The following ZPBP variants were observed in gnomAD, a reference collection of about 807,000 sequenced individuals.
The protein encoded by ZPBP is zona pellucida binding protein, also known as zona pellucida-binding protein 1.
ZPBP carries 26 observed loss-of-function variants against 44.8 expected under a neutral mutation model. The observed-to-expected ratio is 0.58, with a 90% CI of 0.43 to 0.81. The LOEUF is 0.81. Among genes scored for constraint, ZPBP ranks in the 30% least tolerant of loss-of-function variants. The probability of loss-of-function intolerance (pLI) is 0.00; values close to 1 mark genes in which losing one functional copy is unlikely to be tolerated. For synonymous variants in ZPBP, 174 were observed against 153.2 expected (o/e 1.14, Z -1.00); for missense variants, 409 against 434.0 (o/e 0.94, Z 0.51).
chr7:49,873,873 C>A, intron 2 of ZPBP, among the ~76,000 whole-genome samples: 1 of 146,952 alleles, frequency 6.8e-6, no homozygotes, highest in Non-Finnish European at 1.5e-5. Context: ...ATATTTATGC[C>A]AACATGGAGA....
At chr7:50,089,229 A>G (rs745602674) in intron 2 of ZPBP, among the ~76,000 whole-genome samples, 34 of 152,096 alleles carry the variant, frequency 2.2e-4, no homozygotes, top group Non-Finnish European at 4.1e-4. Context: ...TGGCATGTGA[A>G]TTTGCCACAA....
chr7:49,843,599 A>G, the ZPBP span, among the ~76,000 whole-genome samples: 2 of 152,358 alleles, frequency 1.3e-5, no homozygotes. Flanking sequence ...TTGTATGTAC[A>G]GAAAGGTTTC....
intron 1 of ZPBP, among the ~76,000 whole-genome samples, chr7:49,904,613 T>C (rs1792979030): frequency 6.6e-6 from 1 of 152,218 alleles, no homozygotes; most frequent in Non-Finnish European, 1.5e-5. Context: ...TTAGTTAAAT[T>C]TTTATAACTT....
intron 6 of ZPBP, among the ~76,000 whole-genome samples, chr7:50,014,825 T>C (rs1292024825): frequency 1.3e-5 from 2 of 152,076 alleles, no homozygotes; most frequent in African/African-American, 4.8e-5. Flanking sequence ...GGGACAAGTA[T>C]GCCAAAGTAA....
chr7:49,886,885 C>T (rs563525417), intron 2 of ZPBP, among the ~76,000 whole-genome samples: 2 of 152,204 alleles, frequency 1.3e-5, no homozygotes, highest in South Asian at 4.1e-4. Flanking sequence ...TGTTGGACCT[C>T]GTAAGACTTC....
intron 6 of ZPBP, among the ~76,000 whole-genome samples, chr7:50,001,755 G>A (rs767938058): frequency 4.6e-5 from 7 of 152,108 alleles, no homozygotes; most frequent in African/African-American, 7.2e-5. Context: ...TGGGAAACCC[G>A]GGAGGACCCC....
intron 7 of ZPBP, among the ~76,000 whole-genome samples, chr7:49,975,508 A>G (rs1796473611): frequency 6.6e-6 from 1 of 152,166 alleles, no homozygotes; most frequent in African/African-American, 2.4e-5. Flanking sequence ...GGGCTTTCAC[A>G]CAATTTTCCA....
At chr7:49,957,511 T>G (rs1391067284) in intron 7 of ZPBP, among the ~76,000 whole-genome samples, 1 of 152,144 alleles carries the variant, frequency 6.6e-6, no homozygotes, top group Non-Finnish European at 1.5e-5. Context: ...ACCCAGGTGT[T>G]GCTGAAGGAG....
chr7:49,847,146 G>A (rs1490979751), downstream of ZPBP, among the ~76,000 whole-genome samples: 1 of 151,578 alleles, frequency 6.6e-6, no homozygotes, highest in African/African-American at 2.4e-5. Context: ...TTTTAAAAGG[G>A]TCACTGCCAG....
intron 1 of ZPBP, among the ~76,000 whole-genome samples, chr7:49,909,357 GC>G (rs1793280790): frequency 1.6e-5 from 1 of 61,484 alleles, no homozygotes. Context: ...GACAGCTCGA[GC>G]CAAAATATGA....
intron 4 of ZPBP, among the ~76,000 whole-genome samples, chr7:50,050,446 C>T (rs192191892): frequency 6.6e-6 from 1 of 152,142 alleles, no homozygotes. Context: ...AAAGCACCCA[C>T]ACAAATATCT....
At chr7:49,880,908 G>C (rs1203452607) in intron 2 of ZPBP, among the ~76,000 whole-genome samples, 1 of 152,112 alleles carries the variant, frequency 6.6e-6, no homozygotes, top group African/African-American at 2.4e-5. Context: ...AGAAAAGATT[G>C]GGCACGTTCA....
chr7:50,025,720 T>C (rs1202151650), intron 5 of ZPBP, among the ~76,000 whole-genome samples: 1 of 151,872 alleles, frequency 6.6e-6, no homozygotes, highest in Non-Finnish European at 1.5e-5. Context: ...AATGACTTTT[T>C]ACATACAAAT....
chr7:49,981,349 AATATAT>A (rs1157940325), intron 7 of ZPBP, among the ~76,000 whole-genome samples: 18,515 of 30,602 alleles, frequency 0.61, 4,696 homozygotes, highest in East Asian at 0.72. Context: ...TATATTATAT[AATATAT>A]ATTATATATA....
intron 2 of ZPBP, among the ~76,000 whole-genome samples, chr7:49,859,834 C>T (rs1302423224): frequency 6.6e-6 from 1 of 151,786 alleles, no homozygotes; most frequent in Non-Finnish European, 1.5e-5. Flanking sequence ...ACTCACTCTG[C>T]TGAGGTTTTA....
intron 7 of ZPBP, among the ~76,000 whole-genome samples, chr7:49,970,053 GT>G (rs1796236756): frequency 6.6e-6 from 1 of 152,058 alleles, no homozygotes; most frequent in South Asian, 2.1e-4. Flanking sequence ...TAGAGACGGT[GT>G]TTAGCCATGT....
At chr7:49,988,277 C>T (rs1295708438) in intron 6 of ZPBP, among the ~76,000 whole-genome samples, 1 of 151,946 alleles carries the variant, frequency 6.6e-6, no homozygotes, top group Non-Finnish European at 1.5e-5. Flanking sequence ...TGTTTTAAGC[C>T]TCTAACATAC....
At chr7:49,892,527 T>G (rs1241374522) in intron 2 of ZPBP, among the ~76,000 whole-genome samples, 2 of 152,208 alleles carry the variant, frequency 1.3e-5, no homozygotes, top group Non-Finnish European at 2.9e-5. Flanking sequence ...TTTTATTCTG[T>G]TAGAAATCAG....
intron 6 of ZPBP, among the ~76,000 whole-genome samples, chr7:50,013,735 A>C (rs1798687174): frequency 6.6e-6 from 1 of 152,034 alleles, no homozygotes; most frequent in African/African-American, 2.4e-5. Flanking sequence ...GACTCAATAG[A>C]TTACTTTCTG....
Sources: allele counts gnomAD v4.1 joint callset (sites outside exome capture counted in the v4.1 genomes callset), GRCh38; gene constraint gnomAD v4.1.1; transcripts MANE v1.5; gene names NCBI Gene and HGNC (gene_info 2026-07-23, HGNC 2026-07-21).